IGSF22: variants seen among roughly 807,000 people sequenced by gnomAD.
The protein encoded by IGSF22 is immunoglobulin superfamily member 22, also known as immunoglobulin superfamily, member 22.
Under a neutral mutation model 127.0 loss-of-function variants are expected in IGSF22, and 119 were observed. That is an observed-to-expected ratio of 0.94 (90% CI 0.81 to 1.09). IGSF22 has a LOEUF of 1.09. Among genes scored for constraint, IGSF22 ranks in the 50% least tolerant of loss-of-function variants. IGSF22 has a pLI of 0.00. For missense variants in IGSF22, 1,518 were observed against 1,716.6 expected, an observed-to-expected ratio of 0.88 and a Z score of 2.04; for synonymous variants, 568 against 664.7, an observed-to-expected ratio of 0.85 and a Z score of 2.24.
intron 15 of IGSF22, 88 bp downstream of exon 15, chr11:18,711,994 A>T: frequency 9.0e-7 from 1 of 1,115,144 alleles, no homozygotes; most frequent in Non-Finnish European, 1.3e-6. Flanking sequence ...TTCCTGTGGA[A>T]TTCCCCACAG....
Position 18,705,801 on chromosome 11 carries a change from C to T in IGSF22, c.3910+16G>A. On this transcript the variant is annotated intron_variant, in intron 22 of 22. Coordinates refer to ENST00000513874, the MANE Select transcript of IGSF22 (RefSeq NM_173588.4). ...CCTCTCCCCCTCCTCGAGGCCGGACCCCGCGGCGCCCTCACCATAGACGGT... is the reference window on the plus strand; with the variant it reads ...CCTCTCCCCCTCCTCGAGGCCGGACTCCGCGGCGCCCTCACCATAGACGGT... 6.6e-7 allele frequency: 1 copy of T among 1,524,898 alleles called. No individual in the cohort carries two copies. The highest frequency in any genetic ancestry group is 1.2e-5 in the South Asian group (1 of 82,608). The allele number at this position is 1,524,898 out of a possible 1,614,324, so 94.5% of individuals were successfully genotyped here.
At chr11:18,723,254 T>C (rs1648338598) in intron 2 of IGSF22, among the ~76,000 whole-genome samples, 1 of 152,358 alleles carries the variant, frequency 6.6e-6, no homozygotes, top group Admixed American at 6.5e-5. Context: ...TGCCATATTT[T>C]TGCCCTCCTC....
At position 18,705,930 on chromosome 11, in the gene IGSF22, C is replaced by T. The variant is rs1848217483; in HGVS notation, c.3797G>A (p.Gly1266Asp). ...GGTGGGGATGACGAGGGTGCACACG[C>T]CGCTGGTGGAGTTGTACCAGAACTT... ...NSKFWYNSTS[G>D]VCTLVIPTCT... The change falls in exon 22 of 23, where the codon GGC becomes GAC. Residue 1266 changes from glycine to aspartate, a missense_variant. Gly to Asp is a moderately conservative substitution (Grantham distance 94, BLOSUM62 -1). Coordinates refer to ENST00000513874, the MANE Select transcript of IGSF22 (RefSeq NM_173588.4). 6.4e-7 allele frequency: 1 copy of T among 1,551,744 alleles called. No individual in the cohort carries two copies. Among genetic ancestry groups the T allele is most frequent in the Non-Finnish European group, 8.7e-7 (1 of 1,147,000 alleles).
rs1438075990 is a variant in IGSF22 at position 18,726,106 on chromosome 11, A to C, written c.-66T>G. The C allele has an allele frequency of 6.6e-6, 1 of 152,320 alleles. No individual in the cohort carries two copies. 9.4% of individuals were successfully genotyped at this position (152,320 alleles called of 1,614,324 possible). A position where few individuals can be genotyped will look rare whatever the true frequency, so the allele number is the denominator to read the frequency against. On this transcript the variant is annotated 5_prime_UTR_variant, in exon 1 of 23. It adds an upstream start codon to the 5' untranslated region. Coordinates refer to ENST00000513874, the MANE Select transcript of IGSF22 (RefSeq NM_173588.4). Reference sequence around the variant, plus strand: ...ACTGACCAGTCCCTCCCAACACTCGAATGCTGTGTCCACGGCTTTGGAGGC... The same window carrying C: ...ACTGACCAGTCCCTCCCAACACTCGCATGCTGTGTCCACGGCTTTGGAGGC...
At position 18,716,199 on chromosome 11, in the gene IGSF22, C is replaced by T. The variant is rs2134165021; in HGVS notation, c.1247-483G>A. On this transcript the variant is annotated intron_variant, in intron 10 of 22. Transcript: ENST00000513874. The surrounding 1 kb of genome is among the most constrained non-coding windows in gnomAD (Gnocchi z 4.5). ...CTTTTAGTTCTTGGTAAAGCTCGGA[C>T]ATCATTTCATTATATCATTTCTGAT... Among the ~76,000 whole-genome samples, 1 of 152,292 alleles carries T rather than the reference C, an allele frequency of 6.6e-6. No homozygotes were observed. Among genetic ancestry groups the T allele is most frequent in the Admixed American group, 6.5e-5 (1 of 15,294 alleles).
At chr11:18,719,326 T>A (rs553403812) in intron 7 of IGSF22, among the ~76,000 whole-genome samples, 1 of 143,824 alleles carries the variant, frequency 7.0e-6, no homozygotes, top group African/African-American at 2.5e-5. Flanking sequence ...TTTTGTTTTT[T>A]TTTGTTTTTT....
chr11:18,718,952 CT>C (rs1848513127), intron 7 of IGSF22, among the ~76,000 whole-genome samples: 1 of 152,180 alleles, frequency 6.6e-6, no homozygotes, highest in Non-Finnish European at 1.5e-5. Context: ...CACTATGTAC[CT>C]GGGCCCATTA....
At chr11:18,713,560 G>T (rs1848396856) in intron 14 of IGSF22, among the ~76,000 whole-genome samples, 1 of 152,190 alleles carries the variant, frequency 6.6e-6, no homozygotes, top group Non-Finnish European at 1.5e-5. Flanking sequence ...ACATCTGAAA[G>T]TATATTATGT....
chr11:18,717,797 C>T, intron 9 of IGSF22, 134 bp downstream of exon 9: 1 of 939,812 alleles, frequency 1.1e-6, no homozygotes, highest in Non-Finnish European at 1.6e-6. Flanking sequence ...TCCATTGACT[C>T]CCATCCCCAC....
chr11:18,704,634 G>A (rs1158122572), intron 22 of IGSF22, 96 bp from the exon 23 acceptor site: 7 of 758,700 alleles, frequency 9.2e-6, no homozygotes, highest in Non-Finnish European at 1.6e-5. Flanking sequence ...CCAGGAGCTG[G>A]ACCCTGGGAC....
chr11:18,718,411 T>G (rs1377114780), intron 8 of IGSF22, among the ~76,000 whole-genome samples: 1 of 152,144 alleles, frequency 6.6e-6, no homozygotes, highest in Non-Finnish European at 1.5e-5. Flanking sequence ...GACTGAGGCA[T>G]AGAGAGAGGA....
At position 18,710,836 on chromosome 11, in the gene IGSF22, G is replaced by A; in HGVS notation, c.2399-8C>T. ...AGGCAAAACCAGGAGGCTCTGTGGG[G>A]GAAAGAGAGAGTGCAAAGGTTAGGA... On this transcript the variant is annotated splice_polypyrimidine_tract_variant and splice_region_variant and intron_variant, in intron 15 of 22. Coordinates refer to ENST00000513874, the MANE Select transcript of IGSF22 (RefSeq NM_173588.4). The A allele has an allele frequency of 6.2e-7, 1 of 1,609,794 alleles. No individual in the cohort carries two copies. Among genetic ancestry groups the A allele is most frequent in the Non-Finnish European group, 8.5e-7 (1 of 1,176,270 alleles).
chr11:18,721,715 C>CTA (rs758963431), intron 3 of IGSF22, 44 bp from the exon 4 acceptor site: 1 of 1,610,670 alleles, frequency 6.2e-7, no homozygotes, highest in Non-Finnish European at 8.5e-7. Flanking sequence ...AGCCACCAGG[C>CTA]TAGAGCCTCT....
intron 1 of IGSF22, among the ~76,000 whole-genome samples, chr11:18,724,499 G>T (rs1848621641): frequency 6.6e-6 from 1 of 152,192 alleles, no homozygotes; most frequent in African/African-American, 2.4e-5. Flanking sequence ...GGGTCTCAGA[G>T]GGAGAGGTTA....
At position 18,715,532 on chromosome 11, in the gene IGSF22, A is replaced by G; in HGVS notation, c.1431T>C (p.Ile477=). The G allele has an allele frequency of 6.2e-7, 1 of 1,613,802 alleles. No homozygotes were observed. The highest frequency in any genetic ancestry group is 8.5e-7 in the Non-Finnish European group (1 of 1,179,824). The change falls in exon 11 of 23, where the codon ATT becomes ATC. Residue 477 remains isoleucine, a synonymous_variant. Coordinates refer to ENST00000513874, the MANE Select transcript of IGSF22 (RefSeq NM_173588.4). ...CACCATCACTGAGCTGTGCATCCTC[A>G]ATGATCAGCTCTGCTCGCTTGCCCT... is the stretch of plus-strand genomic sequence containing the variant. ...NHEGKRAELI[I]EDAQLSDGGE...
At position 18,714,294 on chromosome 11, in the gene IGSF22, G is replaced by A; in HGVS notation, c.1781C>T (p.Ala594Val). Reference sequence around the variant, plus strand: ...ATCCATACCTGCGATGAATACAGAGGCTTCACTTTCCGTGCCCTTGGCCCG... The same window carrying A: ...ATCCATACCTGCGATGAATACAGAGACTTCACTTTCCGTGCCCTTGGCCCG... ...TFRAKGTESE[A>V]SVFIADPPTI... Residue 594 changes from alanine (A) to valine (V), a missense_variant, in exon 13 of 23, where the codon GCC becomes GTC. By Grantham distance (64) the Ala-to-Val change is moderately conservative (BLOSUM62 0). Transcript: ENST00000513874. 1 of 1,613,910 alleles carries A rather than the reference G, an allele frequency of 6.2e-7. No homozygotes were observed. Among genetic ancestry groups the A allele is most frequent in the Non-Finnish European group, 8.5e-7 (1 of 1,179,904 alleles).
intron 16 of IGSF22, 70 bp downstream of exon 16, chr11:18,710,585 C>A: frequency 6.3e-7 from 1 of 1,582,632 alleles, no homozygotes; most frequent in South Asian, 1.1e-5. Context: ...GGGACTGTGT[C>A]AGTAGTTAAT....
intron 2 of IGSF22, among the ~76,000 whole-genome samples, chr11:18,722,621 A>AC (rs1350057346): frequency 6.2e-5 from 3 of 48,634 alleles, no homozygotes; most frequent in Non-Finnish European, 1.5e-4. Flanking sequence ...TATTTGGAAA[A>AC]CAAAAAAAAC....
intron 11 of IGSF22, 66 bp from the exon 12 acceptor site, chr11:18,714,690 G>A (rs1848428204): frequency 1.3e-6 from 2 of 1,590,414 alleles, no homozygotes; most frequent in South Asian, 1.1e-5. Context: ...CTGGGAAAAG[G>A]GCTGGTAGCG....
Sources: gnomAD v4.1 joint callset for allele counts (sites outside exome capture counted in the v4.1 genomes callset) on GRCh38, gnomAD v4.1.1 for gene constraint, Gnocchi (gnomAD v3.1) non-coding constraint, MANE v1.5 for transcripts, NCBI Gene and HGNC (gene_info 2026-07-23, HGNC 2026-07-21) for gene names.